XKR6: variants seen among roughly 807,000 people sequenced by gnomAD.
XKR6 encodes XK related 6.
XKR6 carries 22 observed loss-of-function variants against 56.7 expected under a neutral mutation model. The observed-to-expected ratio is 0.39, with a 90% CI of 0.28 to 0.55. XKR6 has a LOEUF of 0.55. Among genes scored for constraint, XKR6 ranks in the 20% least tolerant of loss-of-function variants. The pLI is 0.66. For synonymous variants in XKR6, 524 were observed against 387.8 expected, an observed-to-expected ratio of 1.35 and a Z score of -4.13; for missense variants, 852 against 889.0, an observed-to-expected ratio of 0.96 and a Z score of 0.53.
chr8:10,926,428 T>C (rs1414761779), intron 1 of XKR6, among the ~76,000 whole-genome samples: 2 of 152,240 alleles, frequency 1.3e-5, no homozygotes, highest in East Asian at 3.8e-4. Flanking sequence ...CTAAGGCCCT[T>C]TGGGGGCCTG....
intron 1 of XKR6, among the ~76,000 whole-genome samples, chr8:11,103,027 A>AT (rs939379522): frequency 1.8e-4 from 28 of 152,200 alleles, no homozygotes; most frequent in East Asian, 1.7e-3. Context: ...CCAAATTCTC[A>AT]TTTTTTTGCC....
chr8:10,985,952 T>A (rs975988984), intron 1 of XKR6, among the ~76,000 whole-genome samples: 1 of 152,242 alleles, frequency 6.6e-6, no homozygotes, highest in Non-Finnish European at 1.5e-5. Context: ...CAAATTCACA[T>A]GGGAAAATGA....
At chr8:10,918,762 A>G (rs769758495) in intron 2 of XKR6, among the ~76,000 whole-genome samples, 14 of 152,112 alleles carry the variant, frequency 9.2e-5, no homozygotes, top group African/African-American at 1.4e-4. Flanking sequence ...TTCCCCAAAG[A>G]TCTTCCTCCC....
In XKR6 at chr8:11,039,710, G is replaced by A. The variant is rs575286022; in HGVS notation, c.765-114880C>T. ...CTCCCACCAATTCCCATCTGTACTC[G>A]CCCCTTCCCAAGGACGGCAGCTGAG... is the stretch of plus-strand genomic sequence containing the variant. On this transcript the variant is annotated intron_variant, in intron 1 of 2. Transcript: ENST00000416569. Among the ~76,000 whole-genome samples the A allele has an allele frequency of 7.2e-5, 11 of 152,282 alleles. 1 individual carries two copies. Among genetic ancestry groups the A allele is most frequent in the Admixed American group, 2.0e-4 (3 of 15,304 alleles).
intron 1 of XKR6, among the ~76,000 whole-genome samples, chr8:10,999,079 T>G (rs1444058052): frequency 6.6e-6 from 1 of 152,220 alleles, no homozygotes; most frequent in South Asian, 2.1e-4. Flanking sequence ...ACAAAAACGT[T>G]TGTTTTCTTC....
intron 1 of XKR6, among the ~76,000 whole-genome samples, chr8:11,132,705 A>C (rs1800164693): frequency 6.6e-6 from 1 of 151,672 alleles, no homozygotes; most frequent in African/African-American, 2.4e-5. Flanking sequence ...GCAATGGCCT[A>C]ATCTTCAACT....
chr8:10,959,260 T>TC (rs1461553729), intron 1 of XKR6, among the ~76,000 whole-genome samples: 3 of 152,144 alleles, frequency 2.0e-5, no homozygotes, highest in African/African-American at 7.2e-5. Context: ...GGAGAGGAAC[T>TC]GAGTCCCCTC....
intron 1 of XKR6, among the ~76,000 whole-genome samples, chr8:10,989,801 C>A (rs1048506181): frequency 6.6e-6 from 1 of 152,190 alleles, no homozygotes; most frequent in Non-Finnish European, 1.5e-5. Context: ...GGGTCACAGA[C>A]TATTAGGAAG....
intron 1 of XKR6, among the ~76,000 whole-genome samples, chr8:10,973,515 T>C (rs1802466266): frequency 6.6e-6 from 1 of 152,240 alleles, no homozygotes; most frequent in Admixed American, 6.5e-5. Context: ...GTTTTATACA[T>C]AAGAAAACTG....
intron 1 of XKR6, among the ~76,000 whole-genome samples, chr8:11,178,928 G>C (rs1371959382): frequency 6.6e-6 from 1 of 151,076 alleles, no homozygotes; most frequent in South Asian, 2.1e-4. Context: ...CTGCAGCCTC[G>C]GTCTCCCAAG....
chr8:11,001,362 G>T (rs557739372), intron 1 of XKR6, among the ~76,000 whole-genome samples: 20 of 151,656 alleles, frequency 1.3e-4, no homozygotes, highest in African/African-American at 3.2e-4. Flanking sequence ...AGCTAGTGAA[G>T]AAATGGCCTC....
intron 1 of XKR6, among the ~76,000 whole-genome samples, chr8:11,046,944 C>G (rs955354139): frequency 6.6e-6 from 1 of 152,000 alleles, no homozygotes; most frequent in African/African-American, 2.4e-5. Flanking sequence ...ATCTAAACAA[C>G]TCAAACTCAT....
intron 1 of XKR6, among the ~76,000 whole-genome samples, chr8:11,161,507 C>T (rs1283746359): frequency 6.6e-6 from 1 of 152,248 alleles, no homozygotes; most frequent in Non-Finnish European, 1.5e-5. Flanking sequence ...TACAACTAAA[C>T]TCAGTAGGTG....
At chr8:11,136,253 G>A (rs1387514730) in intron 1 of XKR6, among the ~76,000 whole-genome samples, 14 of 152,166 alleles carry the variant, frequency 9.2e-5, no homozygotes, top group African/African-American at 4.8e-5. Flanking sequence ...GGCGGCTCAC[G>A]CCTGTAATCC....
At chr8:10,927,174 G>T (rs1054596026) in intron 1 of XKR6, among the ~76,000 whole-genome samples, 6 of 152,210 alleles carry the variant, frequency 3.9e-5, no homozygotes, top group Admixed American at 3.9e-4. Flanking sequence ...GGTGATAGAA[G>T]GGCCAGGCTG....
At chr8:11,027,026 C>T (rs1586448047) in intron 1 of XKR6, among the ~76,000 whole-genome samples, 1 of 152,170 alleles carries the variant, frequency 6.6e-6, no homozygotes. Flanking sequence ...ATGCTGTTGC[C>T]TACTACACAC....
chr8:11,103,609 C>G (rs1038223663), intron 1 of XKR6, among the ~76,000 whole-genome samples: 3 of 152,120 alleles, frequency 2.0e-5, no homozygotes, highest in African/African-American at 7.2e-5. Flanking sequence ...CACTGAGAAC[C>G]ATTCAAGTAG....
intron 1 of XKR6, among the ~76,000 whole-genome samples, chr8:11,052,360 C>T (rs1216808211): frequency 6.6e-6 from 1 of 152,246 alleles, no homozygotes; most frequent in Non-Finnish European, 1.5e-5. Context: ...GAGCACTTGT[C>T]ATCTGAAATG....
Position 10,966,102 on chromosome 8 carries a change from A to G in XKR6, c.765-41272T>C, listed in dbSNP as rs1283009643. Among the ~76,000 whole-genome samples, 4 of 152,326 alleles carry G rather than the reference A, an allele frequency of 2.6e-5. No individual in the cohort carries two copies. The East Asian group carries it at 7.7e-4, about 29-fold the overall frequency. On this transcript the variant is annotated intron_variant, in intron 1 of 2. Coordinates refer to ENST00000416569, the MANE Select transcript of XKR6 (RefSeq NM_173683.4). ...GGAGGAGGATTGCTAAAACACAGCA[A>G]CCGTGCCAGGTGCACAGCAGCGGTT...
Sources: allele counts gnomAD v4.1 joint callset (sites outside exome capture counted in the v4.1 genomes callset), GRCh38; gene constraint gnomAD v4.1.1; transcripts MANE v1.5; gene names NCBI Gene and HGNC (gene_info 2026-07-23, HGNC 2026-07-21).